Variants in KCNIP4 observed in about 807,000 individuals in gnomAD.
KCNIP4 encodes Kv channel-interacting protein 4.
KCNIP4 carries 12 observed loss-of-function variants against 34.0 expected under a neutral mutation model. The observed-to-expected ratio is 0.35, with a 90% CI of 0.23 to 0.57. KCNIP4 has a LOEUF of 0.57. Among genes scored for constraint, KCNIP4 ranks in the 20% least tolerant of loss-of-function variants. The pLI is 0.83. For missense variants in KCNIP4, 238 were observed against 311.7 expected (o/e 0.76, Z 1.78); for synonymous variants, 124 against 102.2 (o/e 1.21, Z -1.29).
chr4:21,477,538 G>A (rs181228670), intron 1 of KCNIP4, among the ~76,000 whole-genome samples: 310 of 152,212 alleles, frequency 2.0e-3, no homozygotes, highest in African/African-American at 6.5e-3. Context: ...ACTGATAAGC[G>A]TATCATGGGG....
intron 1 of KCNIP4, chr4:21,852,426 C>T (rs1260406162): frequency 6.6e-6 from 1 of 152,152 alleles, no homozygotes; most frequent in Non-Finnish European, 1.5e-5. Context: ...GAATGTTTAC[C>T]TCTTCTAACA....
chr4:21,720,016 AAGGAGAAGGAGAAGG>A (rs1560662569), intron 1 of KCNIP4, among the ~76,000 whole-genome samples: 22 of 123,496 alleles, frequency 1.8e-4, no homozygotes, highest in Non-Finnish European at 2.7e-4. Flanking sequence ...GAAGAAGAAG[AAGGAGAAGGAGAAGG>A]AGAAGGAGAA....
chr4:20,777,055 G>T (rs1204626032), intron 3 of KCNIP4, among the ~76,000 whole-genome samples: 1 of 152,164 alleles, frequency 6.6e-6, no homozygotes, highest in Non-Finnish European at 1.5e-5. Context: ...TCTTTGGGAG[G>T]TGTGTTAGTT....
intron 1 of KCNIP4, chr4:21,853,033 G>A (rs373037167): frequency 6.6e-6 from 1 of 151,990 alleles, no homozygotes; most frequent in Admixed American, 6.6e-5. Flanking sequence ...GCTGAATTAG[G>A]AAAAAACATT....
chr4:21,782,950 T>C (rs1719663965), intron 1 of KCNIP4, among the ~76,000 whole-genome samples: 1 of 152,072 alleles, frequency 6.6e-6, no homozygotes, highest in African/African-American at 2.4e-5. Context: ...GGTAAAATTC[T>C]TGAAATGACA....
At chr4:21,235,933 T>C (rs1019800453) in intron 1 of KCNIP4, among the ~76,000 whole-genome samples, 4 of 152,196 alleles carry the variant, frequency 2.6e-5, no homozygotes, top group African/African-American at 7.2e-5. Context: ...AAGGAGAAAA[T>C]TGAACATATC....
At chr4:21,142,113 T>C (rs1398738830) in intron 1 of KCNIP4, among the ~76,000 whole-genome samples, 1 of 137,272 alleles carries the variant, frequency 7.3e-6, no homozygotes, top group Non-Finnish European at 1.5e-5. Flanking sequence ...ATCGTGCCAC[T>C]GCACTCCAGC....
chr4:21,094,278 G>A (rs1466941840), intron 1 of KCNIP4, among the ~76,000 whole-genome samples: 2 of 152,068 alleles, frequency 1.3e-5, no homozygotes, highest in Non-Finnish European at 2.9e-5. Context: ...CAAAGGTAGT[G>A]GCAGATTCAA....
At chr4:21,506,438 A>G (rs1250673322) in intron 1 of KCNIP4, among the ~76,000 whole-genome samples, 2 of 152,244 alleles carry the variant, frequency 1.3e-5, no homozygotes, top group Non-Finnish European at 2.9e-5. Flanking sequence ...TCTTAAAACA[A>G]TACATGGCAC....
intron 1 of KCNIP4, among the ~76,000 whole-genome samples, chr4:21,083,408 G>A (rs1349866221): frequency 1.3e-5 from 2 of 151,638 alleles, no homozygotes; most frequent in Non-Finnish European, 2.9e-5. Context: ...AAATGTATTT[G>A]CACACCTGAT....
chr4:20,929,430 T>C (rs57979569), intron 1 of KCNIP4, among the ~76,000 whole-genome samples: 1,652 of 152,052 alleles, frequency 0.011, 11 homozygotes, highest in Middle Eastern at 0.037. Flanking sequence ...GCTAACATAA[T>C]AATCAGTGGG....
chr4:21,831,654 A>G lies in KCNIP4; in HGVS notation c.61+116917T>C, dbSNP rs1456473990. On this transcript the variant is annotated intron_variant, in intron 1 of 8. Coordinates refer to ENST00000382152, the MANE Select transcript of KCNIP4 (RefSeq NM_025221.6). ...AAGAAGATTGAATCAGCAATTAAAC[A>G]TTTTTCATCAAAAAAAAAAAAAAAA... Among the ~76,000 whole-genome samples, 6 of 50,758 alleles carry G rather than the reference A, an allele frequency of 1.2e-4. No individual in the cohort carries two copies. In the East Asian group the frequency reaches 4.2e-3, roughly 36 times the overall value. The allele number at this position is 50,758 out of a possible 152,430, so 33.3% of individuals were successfully genotyped here.
chr4:21,399,994 G>A (rs10012593), intron 1 of KCNIP4, among the ~76,000 whole-genome samples: 101,584 of 151,908 alleles, frequency 0.67, 35,233 homozygotes, highest in African/African-American at 0.85. Context: ...AGTTATTACA[G>A]TGTCATAGAG....
At chr4:21,204,442 G>T (rs1477084205) in intron 1 of KCNIP4, among the ~76,000 whole-genome samples, 1 of 152,154 alleles carries the variant, frequency 6.6e-6, no homozygotes, top group Non-Finnish European at 1.5e-5. Context: ...AAATCGTAAA[G>T]TGCTTGCAGA....
chr4:21,601,599 T>G (rs1275970616), intron 1 of KCNIP4, among the ~76,000 whole-genome samples: 2 of 152,062 alleles, frequency 1.3e-5, no homozygotes, highest in South Asian at 2.1e-4. Flanking sequence ...GGCTCTCCAA[T>G]GGCTTCCTGC....
At chr4:21,490,471 A>C (rs1732293572) in intron 1 of KCNIP4, among the ~76,000 whole-genome samples, 1 of 152,144 alleles carries the variant, frequency 6.6e-6, no homozygotes, top group African/African-American at 2.4e-5. Context: ...ACTTCTAAAA[A>C]TACTTCCAAG....
At chr4:21,650,336 T>C (rs1005490944) in intron 1 of KCNIP4, among the ~76,000 whole-genome samples, 2 of 152,204 alleles carry the variant, frequency 1.3e-5, no homozygotes, top group African/African-American at 4.8e-5. Context: ...TTTTATGTTT[T>C]TGGTAGTCAT....
chr4:20,898,405 T>G (rs908542870), intron 1 of KCNIP4, among the ~76,000 whole-genome samples: 13 of 152,288 alleles, frequency 8.5e-5, no homozygotes, highest in Admixed American at 2.6e-4. Flanking sequence ...CCACATGACT[T>G]ATTGTCCAAC....
intron 1 of KCNIP4, among the ~76,000 whole-genome samples, chr4:21,282,066 T>A (rs999201417): frequency 3.3e-5 from 5 of 152,202 alleles, no homozygotes; most frequent in Non-Finnish European, 5.9e-5. Flanking sequence ...CATAAAACAA[T>A]TCTAAAAATG....
Sources: gnomAD v4.1 joint callset for allele counts (sites outside exome capture counted in the v4.1 genomes callset) on GRCh38, gnomAD v4.1.1 for gene constraint, MANE v1.5 for transcripts, NCBI Gene and HGNC (gene_info 2026-07-23, HGNC 2026-07-21) for gene names.